The following SPATA1 variants were observed in gnomAD, a reference collection of about 807,000 sequenced individuals.
The protein encoded by SPATA1 is spermatogenesis-associated protein 1.
SPATA1 carries 57 observed loss-of-function variants against 59.6 expected under a neutral mutation model. The observed-to-expected ratio is 0.96, with a 90% CI of 0.77 to 1.19. The LOEUF (loss-of-function observed/expected upper bound fraction) is 1.19. Ranked by LOEUF, SPATA1 falls within the 50% of genes most tolerant of loss-of-function variation. The pLI is 0.00. For synonymous variants in SPATA1, 147 were observed against 163.9 expected, an observed-to-expected ratio of 0.90 and a Z score of 0.79; for missense variants, 448 against 480.7, an observed-to-expected ratio of 0.93 and a Z score of 0.64.
chr1:84,563,304 C>T (rs779907493), intron 4 of SPATA1: 8 of 1,590,458 alleles, frequency 5.0e-6, no homozygotes, highest in Admixed American at 1.8e-5. Context: ...CATAGGTTTC[C>T]AGAAATAGAA....
At chr1:84,550,720 A>G (rs2911593) in intron 12 of SPATA1, 190 bp downstream of exon 12, 429,990 of 1,145,144 alleles carry the variant, frequency 0.38, 85,503 homozygotes, top group African/African-American at 0.7. Flanking sequence ...GTGAAAAGAT[A>G]CATGATATAA....
chr1:84,508,336 G>T (rs770746804), intron 1 of SPATA1, among the ~76,000 whole-genome samples: 12 of 151,452 alleles, frequency 7.9e-5, no homozygotes, highest in Non-Finnish European at 1.5e-5. Context: ...TGCATCTGAA[G>T]TGATTACCAG....
rs1168734368 is a variant in SPATA1 at position 84,544,261 on chromosome 1, T to G, written c.777T>G (p.Val259=). 3 of 1,595,400 alleles carry G rather than the reference T, an allele frequency of 1.9e-6. No individual in the cohort carries two copies. In the South Asian group the frequency reaches 3.4e-5, roughly 18 times the overall value. Residue 259 remains valine, a synonymous_variant, in exon 9 of 13, where the codon GTT becomes GTG. Transcript: ENST00000490879. ...ACCCTTCACTTCCTTGTCAACCTGT[T>G]CTTTCTTCAGGAATAACTGATATAT...
chr1:84,561,183 T>C (rs932392260), intron 4 of SPATA1, among the ~76,000 whole-genome samples: 1 of 152,142 alleles, frequency 6.6e-6, no homozygotes, highest in East Asian at 1.9e-4. Context: ...GATTCATGCA[T>C]GGGAGGAGGT....
At chr1:84,522,763 A>G (rs935756608) in intron 4 of SPATA1, among the ~76,000 whole-genome samples, 3 of 152,202 alleles carry the variant, frequency 2.0e-5, no homozygotes, top group Non-Finnish European at 2.9e-5. Flanking sequence ...ATGTGATCAT[A>G]TAAGTTCTTG....
intron 4 of SPATA1, among the ~76,000 whole-genome samples, chr1:84,561,476 A>C (rs185524529): frequency 1.4e-4 from 22 of 152,352 alleles, no homozygotes; most frequent in African/African-American, 5.1e-4. Flanking sequence ...TTCAAATAAC[A>C]GCAAAGGATT....
At chr1:84,561,909 G>A (rs966436699) in intron 4 of SPATA1, among the ~76,000 whole-genome samples, 7 of 152,010 alleles carry the variant, frequency 4.6e-5, no homozygotes, top group African/African-American at 1.7e-4. Context: ...ATATGCACAG[G>A]GAAACAAAAA....
chr1:84,544,571 A>T (rs1019305674), intron 9 of SPATA1, among the ~76,000 whole-genome samples: 1 of 141,430 alleles, frequency 7.1e-6, no homozygotes, highest in African/African-American at 3.2e-5. Flanking sequence ...TTTTTATTTT[A>T]TTTTTTTTAG....
intron 4 of SPATA1, among the ~76,000 whole-genome samples, chr1:84,561,674 C>T (rs1374820498): frequency 6.6e-6 from 1 of 152,144 alleles, no homozygotes; most frequent in East Asian, 1.9e-4. Flanking sequence ...TAAGAAATTG[C>T]CATAGCCACC....
chr1:84,541,950 T>C (rs899403338), intron 8 of SPATA1, among the ~76,000 whole-genome samples: 3 of 152,040 alleles, frequency 2.0e-5, no homozygotes, highest in African/African-American at 7.2e-5. Flanking sequence ...TTTGTTTGTT[T>C]GTTTTTTTGT....
Position 84,545,774 on chromosome 1 carries a change from AT to A in SPATA1, c.946+16del. 4 of 1,470,644 alleles carry A rather than the reference AT, an allele frequency of 2.7e-6. 1 individual carries two copies. The highest frequency in any genetic ancestry group is 3.0e-5 in the South Asian group (2 of 65,984). The allele number at this position is 1,470,644 out of a possible 1,614,324, so 91.1% of individuals were successfully genotyped here. On this transcript the variant is annotated intron_variant, in intron 10 of 12. Transcript: ENST00000490879. ...ACGATATCATGGTAAAGTTTATTACATACCTTTTATCACTATAAAGAAAACT... is the reference window on the plus strand; with the variant it reads ...ACGATATCATGGTAAAGTTTATTACAACCTTTTATCACTATAAAGAAAACT...
At chr1:84,549,624 GTTTAT>G (rs958608019) in intron 11 of SPATA1, 11 of 151,996 alleles carry the variant, frequency 7.2e-5, no homozygotes, top group African/African-American at 2.7e-4. Flanking sequence ...GAGACATGAA[GTTTAT>G]TTTATTATTA....
At chr1:84,556,430 G>C (rs1684430235), downstream of SPATA1, among the ~76,000 whole-genome samples, 3 of 151,926 alleles carry the variant, frequency 2.0e-5, no homozygotes, top group Admixed American at 2.0e-4. Flanking sequence ...GACCACTTTG[G>C]GGCCGGGCAC....
At chr1:84,562,573 G>A (rs1684615335) in intron 4 of SPATA1, among the ~76,000 whole-genome samples, 1 of 151,994 alleles carries the variant, frequency 6.6e-6, no homozygotes, top group Non-Finnish European at 1.5e-5. Context: ...AATTCAAAGA[G>A]GATTTGTACT....
rs148157205 is a variant in SPATA1 at position 84,524,594 on chromosome 1, T to TA, written c.262-1095dup. Among the ~76,000 whole-genome samples the TA allele has an allele frequency of 1.1e-3, 160 of 152,260 alleles. 1 individual carries two copies. In the East Asian group the frequency reaches 0.015, roughly 14 times the overall value. ...TTTCTCCTTGGTTTCATACTTCAGC[T>TA]AAAAAAATCTTCCTTTGGTTCTCAA... On this transcript the variant is annotated intron_variant, in intron 4 of 12. Coordinates refer to ENST00000490879, the Ensembl canonical transcript of SPATA1.
intron 1 of SPATA1, among the ~76,000 whole-genome samples, chr1:84,510,076 G>A (rs1355134040): frequency 6.6e-6 from 1 of 152,024 alleles, no homozygotes; most frequent in Non-Finnish European, 1.5e-5. Flanking sequence ...TGTGGTCCCA[G>A]CTACTTGGGA....
intron 1 of SPATA1, among the ~76,000 whole-genome samples, chr1:84,515,112 T>G (rs2101921166): frequency 6.6e-6 from 1 of 152,328 alleles, no homozygotes; most frequent in African/African-American, 2.4e-5. Context: ...ATTAACTAAT[T>G]CTTATCTAAT....
intron 8 of SPATA1, among the ~76,000 whole-genome samples, chr1:84,534,926 C>T (rs918678639): frequency 6.6e-6 from 1 of 152,142 alleles, no homozygotes; most frequent in African/African-American, 2.4e-5. Context: ...TTCTAGACAA[C>T]TCTGTCATAC....
intron 9 of SPATA1, among the ~76,000 whole-genome samples, chr1:84,544,801 T>C (rs1354061502): frequency 6.6e-6 from 1 of 151,804 alleles, no homozygotes; most frequent in Non-Finnish European, 1.5e-5. Flanking sequence ...CCTCAAGTGA[T>C]CCACCCATCT....
Sources: gnomAD v4.1 joint callset for allele counts (sites outside exome capture counted in the v4.1 genomes callset) on GRCh38, gnomAD v4.1.1 for gene constraint, MANE v1.5 for transcripts, NCBI Gene and HGNC (gene_info 2026-07-23, HGNC 2026-07-21) for gene names.